KDM2A: variants seen among roughly 807,000 people sequenced by gnomAD.
The protein encoded by KDM2A is lysine demethylase 2A.
In KDM2A, 3 loss-of-function variants were observed where a neutral mutation model predicts 137.3. That is an observed-to-expected ratio of 0.02 (90% CI 0.01 to 0.06). The LOEUF (loss-of-function observed/expected upper bound fraction) is 0.06. Among genes scored for constraint, KDM2A ranks in the 10% least tolerant of loss-of-function variants. KDM2A has a pLI of 1.00. For missense variants in KDM2A, 738 were observed against 1,510.6 expected, an observed-to-expected ratio of 0.49 and a Z score of 8.48; for synonymous variants, 512 against 541.5, an observed-to-expected ratio of 0.95 and a Z score of 0.76.
At chr11:67,129,188 T>C (rs1348183401) in intron 2 of KDM2A, among the ~76,000 whole-genome samples, 1 of 152,224 alleles carries the variant, frequency 6.6e-6, no homozygotes, top group Non-Finnish European at 1.5e-5. Context: ...AGACCTAAAC[T>C]ATAACAAATA....
intron 5 of KDM2A, among the ~76,000 whole-genome samples, chr11:67,200,568 AT>A (rs1857595038): frequency 6.6e-6 from 1 of 151,284 alleles, no homozygotes; most frequent in Non-Finnish European, 1.5e-5. Flanking sequence ...TTGGAGTGCA[AT>A]GGTACAATCA....
chr11:67,240,441 A>C (rs1041419064), intron 12 of KDM2A: 11 of 1,332,116 alleles, frequency 8.3e-6, no homozygotes, highest in Non-Finnish European at 1.1e-5. Context: ...GTCTCAGTGA[A>C]GAGGCAGGAG....
rs969824102 is a variant in KDM2A, at chr11:67,255,360, G to A, written c.*305G>A. ...CAGGAGGCCGGGCTCTCAGTTTGGG[G>A]TGTTTGTGCAACCTTCATCTGCACT... On this transcript the variant is annotated 3_prime_UTR_variant, in exon 21 of 21. Transcript: ENST00000529006. 2.2e-6 allele frequency: 1 copy of A among 462,866 alleles called. No individual in the cohort carries two copies. The highest frequency in any genetic ancestry group is 2.0e-5 in the African/African-American group (1 of 50,766). 28.7% of individuals were successfully genotyped at this position (462,866 alleles called of 1,614,324 possible). A position where few individuals can be genotyped will look rare whatever the true frequency, so the allele number is the denominator to read the frequency against.
In KDM2A at chr11:67,159,561, G is replaced by T. The variant is rs1316751831; in HGVS notation, c.43-20518G>T. Among the ~76,000 whole-genome samples, 4 of 152,304 alleles carry T rather than the reference G, an allele frequency of 2.6e-5. No homozygotes were observed. In the East Asian group the frequency reaches 7.7e-4, roughly 29 times the overall value. ...TGATGGATTGATTGTCCTGCTGGTA[G>T]TGATGGTAAAAATTGATTAAGGTGG... On this transcript the variant is annotated intron_variant, in intron 2 of 20. Transcript: ENST00000529006.
chr11:67,206,843 TGTTATA>T (rs1278879421), intron 5 of KDM2A, among the ~76,000 whole-genome samples: 1 of 152,244 alleles, frequency 6.6e-6, no homozygotes, highest in Non-Finnish European at 1.5e-5. Context: ...TTGTTGTAGT[TGTTATA>T]GTTAACAAGA....
At chr11:67,189,590 A>G (rs1475769185) in intron 5 of KDM2A, among the ~76,000 whole-genome samples, 1 of 152,196 alleles carries the variant, frequency 6.6e-6, no homozygotes, top group African/African-American at 2.4e-5. Flanking sequence ...CTGTAATCCT[A>G]GCACTTTGGC....
At chr11:67,188,850 AC>A (rs1857274793) in intron 5 of KDM2A, among the ~76,000 whole-genome samples, 1 of 152,118 alleles carries the variant, frequency 6.6e-6, no homozygotes, top group South Asian at 2.1e-4. Context: ...TAAAGGTTTA[AC>A]TATAGCAAGA....
intron 15 of KDM2A, among the ~76,000 whole-genome samples, chr11:67,247,037 T>TTATATATATATATATATA (rs59101290): frequency 3.0e-5 from 1 of 33,074 alleles, no homozygotes; most frequent in African/African-American, 1.1e-4. Flanking sequence ...ATAAATTATT[T>TTATATATATATATATATA]TATATATATA....
rs764581976 is a variant in KDM2A, at chr11:67,224,828, A to ATTTTTTTT, written c.958-3187_958-3180dup. Among the ~76,000 whole-genome samples, 2 of 66,290 alleles carry ATTTTTTTT rather than the reference A, an allele frequency of 3.0e-5. 1 individual carries two copies. Among genetic ancestry groups the ATTTTTTTT allele is most frequent in the African/African-American group, 1.7e-4 (2 of 12,008 alleles). 43.5% of individuals were successfully genotyped at this position (66,290 alleles called of 152,430 possible). On this transcript the variant is annotated intron_variant, in intron 10 of 20. Transcript: ENST00000529006. ...ACCAGGGGCACTTGGCAGCTGCAGC[A>ATTTTTTTT]TTTTTTTTTTTTTTTTTTTTTTTTT...
At chr11:67,173,712 C>A (rs886538191) in intron 2 of KDM2A, among the ~76,000 whole-genome samples, 4 of 152,032 alleles carry the variant, frequency 2.6e-5, no homozygotes, top group Admixed American at 1.3e-4. Context: ...TATTATTTTT[C>A]TTTTTATTTA....
At chr11:67,192,433 CTTT>C (rs921321640) in intron 5 of KDM2A, among the ~76,000 whole-genome samples, 8 of 70,532 alleles carry the variant, frequency 1.1e-4, no homozygotes, top group African/African-American at 2.8e-4. Flanking sequence ...GTTTCCATTT[CTTT>C]TTTTTTTTTT....
chr11:67,200,951 T>A (rs1316699636), intron 5 of KDM2A, among the ~76,000 whole-genome samples: 1 of 152,008 alleles, frequency 6.6e-6, no homozygotes, highest in East Asian at 1.9e-4. Flanking sequence ...CCCAGCACTT[T>A]GGGAGGTCGA....
intron 5 of KDM2A, chr11:67,196,778 G>C (rs918849134): frequency 4.0e-6 from 1 of 248,526 alleles, no homozygotes; most frequent in Non-Finnish European, 8.1e-6. Flanking sequence ...GAGTTATGGA[G>C]ATGGATGGTG....
At chr11:67,210,132 C>G (rs770444655) in intron 6 of KDM2A, among the ~76,000 whole-genome samples, 1 of 151,906 alleles carries the variant, frequency 6.6e-6, no homozygotes, top group Non-Finnish European at 1.5e-5. Context: ...TTGGGGAGGC[C>G]GAAGGCAGAC....
intron 16 of KDM2A, among the ~76,000 whole-genome samples, chr11:67,249,004 C>T (rs919528148): frequency 1.3e-5 from 2 of 152,254 alleles, no homozygotes; most frequent in African/African-American, 4.8e-5. Context: ...CTGTGGACAC[C>T]TACAGGAGGA....
At chr11:67,135,782 G>A (rs1269593769) in intron 2 of KDM2A, among the ~76,000 whole-genome samples, 1 of 152,232 alleles carries the variant, frequency 6.6e-6, no homozygotes, top group African/African-American at 2.4e-5. Flanking sequence ...AGAACTTGTG[G>A]ACAGTGCTAC....
chr11:67,183,302 C>T (rs940221797), intron 5 of KDM2A, among the ~76,000 whole-genome samples: 1 of 152,234 alleles, frequency 6.6e-6, no homozygotes, highest in South Asian at 2.1e-4. Context: ...AATTTGACCT[C>T]TTTTATTAAA....
intron 2 of KDM2A, among the ~76,000 whole-genome samples, chr11:67,154,494 G>A (rs1189439158): frequency 6.6e-6 from 1 of 152,076 alleles, no homozygotes; most frequent in East Asian, 1.9e-4. Flanking sequence ...GCGCAATGGC[G>A]TGATTTCAGC....
At chr11:67,211,426 C>T (rs1184614129) in intron 6 of KDM2A, among the ~76,000 whole-genome samples, 1 of 151,480 alleles carries the variant, frequency 6.6e-6, no homozygotes, top group Non-Finnish European at 1.5e-5. Context: ...CCAGCCTGGC[C>T]AACATGGTGA....
Sources: gnomAD v4.1 joint callset for allele counts (sites outside exome capture counted in the v4.1 genomes callset) on GRCh38, gnomAD v4.1.1 for gene constraint, MANE v1.5 for transcripts, NCBI Gene and HGNC (gene_info 2026-07-23, HGNC 2026-07-21) for gene names.